COL6A6: variants seen among roughly 807,000 people sequenced by gnomAD.
COL6A6 encodes collagen type VI alpha 6 chain.
COL6A6 carries 183 observed loss-of-function variants against 208.6 expected under a neutral mutation model. The observed-to-expected ratio is 0.88, with a 90% confidence interval of 0.78 to 0.99. The LOEUF is 0.99. COL6A6 is among the 50% of genes least tolerant of loss of function. The pLI is 0.00. For synonymous variants in COL6A6, 973 were observed against 1,011.8 expected (o/e 0.96, Z 0.73); for missense variants, 2,816 against 2,815.2 (o/e 1.00, Z -0.01).
At position 130,568,175 on chromosome 3, in the gene COL6A6, C is replaced by T. The variant is rs752996147; in HGVS notation, c.1972C>T (p.Arg658Trp). The change falls in exon 6 of 37, where the codon CGG becomes TGG. Residue 658 changes from arginine to tryptophan, a missense_variant. By Grantham distance (101) the Arg-to-Trp change is moderately radical. Coordinates refer to ENST00000358511, the MANE Select transcript of COL6A6 (RefSeq NM_001102608.3). ...GAGCAAGTCTCAGATTGGACCAGATCGGGTGCAAATTGGTGTAGTCCAGTT... is the reference window on the plus strand; with the variant it reads ...GAGCAAGTCTCAGATTGGACCAGATTGGGTGCAAATTGGTGTAGTCCAGTT... Reference protein sequence around the residue: ...LVSKSQIGPDRVQIGVVQFSD... With the variant: ...LVSKSQIGPDWVQIGVVQFSD... 39 of 1,613,958 alleles carry T rather than the reference C, an allele frequency of 2.4e-5. No homozygotes were observed. The highest frequency in any genetic ancestry group is 6.7e-5 in the Admixed American group (4 of 60,016).
chr3:130,596,774 C>T (rs1471372226), intron 18 of COL6A6, among the ~76,000 whole-genome samples: 1 of 151,892 alleles, frequency 6.6e-6, no homozygotes, highest in East Asian at 1.9e-4. Context: ...CAAACCTGCA[C>T]GTTGTGCACA....
At chr3:130,551,335 A>T (rs1311291052) in intron 1 of COL6A6, among the ~76,000 whole-genome samples, 1 of 152,130 alleles carries the variant, frequency 6.6e-6, no homozygotes, top group Non-Finnish European at 1.5e-5. Context: ...TTATTGATTC[A>T]ATTTCAGAAT....
rs762186019 is a variant in COL6A6, at chr3:130,560,422, G to T, written c.58G>T (p.Asp20Tyr). 6.2e-6 allele frequency: 10 copies of T among 1,610,492 alleles called. No individual in the cohort carries two copies. The highest frequency in any genetic ancestry group is 8.5e-6 in the Non-Finnish European group (10 of 1,178,186). Reference sequence around the variant, plus strand: ...TTGTTCCCATATTTCTGTGAACCAAGATTCCGGTAAGGAAAAACTGGAAAG... The same window carrying T: ...TTGTTCCCATATTTCTGTGAACCAATATTCCGGTAAGGAAAAACTGGAAAG... ...IICSHISVNQ[D>Y]SGPEYADVVF... The change falls in exon 2 of 37, where the codon GAT (aspartate) becomes TAT (tyrosine). Residue 20 changes from aspartate to tyrosine, a missense_variant. Transcript: ENST00000358511.
intron 6 of COL6A6, 24 bp from the exon 7 acceptor site, chr3:130,570,794 T>G (rs753374946): frequency 6.3e-7 from 1 of 1,576,388 alleles, no homozygotes; most frequent in Admixed American, 1.7e-5. Context: ...TCTCATATGG[T>G]TTACCTCTCT....
intron 1 of COL6A6, among the ~76,000 whole-genome samples, chr3:130,545,212 A>G (rs938852808): frequency 6.6e-6 from 1 of 152,222 alleles, no homozygotes; most frequent in Non-Finnish European, 1.5e-5. Flanking sequence ...GGTGTAAGAT[A>G]CATGTCCAGT....
chr3:130,661,684 G>A lies in COL6A6; in HGVS notation c.5878G>A (p.Val1960Met), dbSNP rs766388750. 1.9e-6 allele frequency: 3 copies of A among 1,613,882 alleles called. No individual in the cohort carries two copies. Reference protein sequence around the residue: ...ASCDQARPPPVQSYMDAAFLL... With the variant: ...ASCDQARPPPMQSYMDAAFLL... ...TTGTGACCAAGCCAGACCACCCCCT[G>A]TGCAGTCTTACATGGATGCTGCTTT... The change falls in exon 35 of 37, where the codon GTG (valine) becomes ATG (methionine). Residue 1960 changes from valine (V) to methionine (M), a missense_variant. Physicochemically the swap from Val to Met is conservative, Grantham distance 21. Coordinates refer to ENST00000358511, the MANE Select transcript of COL6A6 (RefSeq NM_001102608.3).
chr3:130,558,769 T>G (rs2062820392), intron 1 of COL6A6, among the ~76,000 whole-genome samples: 1 of 152,188 alleles, frequency 6.6e-6, no homozygotes, highest in South Asian at 2.1e-4. Context: ...AACCCTGGTT[T>G]TATAAGCAAA....
At chr3:130,529,919 G>A (rs1395258494) in intron 1 of COL6A6, among the ~76,000 whole-genome samples, 1 of 152,216 alleles carries the variant, frequency 6.6e-6, no homozygotes, top group Non-Finnish European at 1.5e-5. Flanking sequence ...TCAGCAGAGG[G>A]CAGCACAGTG....
intron 5 of COL6A6, 145 bp downstream of exon 5, chr3:130,567,407 C>G (rs1019253472): frequency 1.5e-6 from 1 of 668,520 alleles, no homozygotes; most frequent in East Asian, 2.7e-5. Flanking sequence ...TAGAACAAAG[C>G]TAAGAGCCCA....
chr3:130,638,725 G>A (rs146419761), intron 28 of COL6A6, among the ~76,000 whole-genome samples: 336 of 152,152 alleles, frequency 2.2e-3, no homozygotes, highest in African/African-American at 7.6e-3. Flanking sequence ...GTTCTGGGTT[G>A]GAATTAATTT....
intron 1 of COL6A6, among the ~76,000 whole-genome samples, chr3:130,528,105 A>T (rs1487844262): frequency 6.6e-6 from 1 of 152,134 alleles, no homozygotes; most frequent in Non-Finnish European, 1.5e-5. Flanking sequence ...AAAAATAATA[A>T]GATGCTATGA....
At chr3:130,639,296 CAT>C (rs2065243411) in intron 28 of COL6A6, among the ~76,000 whole-genome samples, 1 of 152,120 alleles carries the variant, frequency 6.6e-6, no homozygotes, top group East Asian at 1.9e-4. Flanking sequence ...TTTTGCCCAA[CAT>C]AGTCTGTTTC....
At chr3:130,648,565 C>T (rs533470577) in intron 32 of COL6A6, among the ~76,000 whole-genome samples, 2 of 152,308 alleles carry the variant, frequency 1.3e-5, no homozygotes, top group East Asian at 1.9e-4. Context: ...CCCTGTATTG[C>T]CTACTCTCTT....
rs994929185 is a variant in COL6A6, at chr3:130,613,926, T to C, written c.4815+3215T>C. On this transcript the variant is annotated intron_variant, in intron 23 of 36. Coordinates refer to ENST00000358511, the MANE Select transcript of COL6A6 (RefSeq NM_001102608.3). ...CAAGGAGCTTTTGGGCAGAGACTAC[T>C]GGGTTTTTTAGATATAAAATCTTGT... 2.6e-5 allele frequency among the ~76,000 whole-genome samples: 4 copies of C among 152,144 alleles called. No individual in the cohort carries two copies. The East Asian group carries it at 7.7e-4, about 29-fold the overall frequency.
intron 1 of COL6A6, among the ~76,000 whole-genome samples, chr3:130,549,732 G>C (rs1230282743): frequency 6.6e-6 from 1 of 151,994 alleles, no homozygotes. Context: ...GGCTCTATTC[G>C]GTTCCATTGG....
intron 20 of COL6A6, among the ~76,000 whole-genome samples, chr3:130,601,968 G>T (rs988962633): frequency 6.6e-6 from 1 of 152,164 alleles, no homozygotes; most frequent in Non-Finnish European, 1.5e-5. Flanking sequence ...GAAAAAACTG[G>T]TGAGCAAAAT....
intron 28 of COL6A6, among the ~76,000 whole-genome samples, chr3:130,640,891 C>G (rs1371759400): frequency 6.6e-6 from 1 of 151,896 alleles, no homozygotes; most frequent in Non-Finnish European, 1.5e-5. Context: ...GTTTAGTTAC[C>G]TACCACTCCA....
At chr3:130,599,153 G>A (rs2063932580) in intron 19 of COL6A6, among the ~76,000 whole-genome samples, 1 of 152,124 alleles carries the variant, frequency 6.6e-6, no homozygotes, top group Non-Finnish European at 1.5e-5. Context: ...AGAAGGTCAT[G>A]ATGGGAATTA....
At chr3:130,659,633 T>C (rs984205664) in intron 34 of COL6A6, among the ~76,000 whole-genome samples, 5 of 152,194 alleles carry the variant, frequency 3.3e-5, no homozygotes, top group Non-Finnish European at 7.3e-5. Flanking sequence ...AGCTTAGAGA[T>C]AGTAATTTGC....
Sources: allele counts gnomAD v4.1 joint callset (sites outside exome capture counted in the v4.1 genomes callset), GRCh38; gene constraint gnomAD v4.1.1; transcripts MANE v1.5; gene names NCBI Gene and HGNC (gene_info 2026-07-23, HGNC 2026-07-21).